The following SCN11A variants were observed in gnomAD, a reference collection of about 807,000 sequenced individuals.
The protein encoded by SCN11A is sodium channel protein type 11 subunit alpha.
SCN11A carries 122 observed loss-of-function variants against 162.2 expected under a neutral mutation model. The observed-to-expected ratio is 0.75, with a 90% confidence interval of 0.65 to 0.87. The LOEUF is 0.87. SCN11A is among the 40% of genes least tolerant of loss of function. The pLI is 0.00. For synonymous variants in SCN11A, 758 were observed against 751.5 expected, an observed-to-expected ratio of 1.01 and a Z score of -0.14; for missense variants, 2,015 against 2,181.6, an observed-to-expected ratio of 0.92 and a Z score of 1.52.
At chr3:39,047,069 CT>C (rs1226458599) in intron 1 of SCN11A, among the ~76,000 whole-genome samples, 65 of 121,566 alleles carry the variant, frequency 5.3e-4, no homozygotes, top group Admixed American at 1.7e-3. Context: ...CCCCCACCCC[CT>C]TTTTTTTTTT....
chr3:38,846,587 T>C lies in SCN11A; in HGVS notation c.*107A>G, dbSNP rs1425188286. 1 of 786,478 alleles carries C rather than the reference T, an allele frequency of 1.3e-6. No homozygotes were observed. The highest frequency in any genetic ancestry group is 2.5e-5 in the East Asian group (1 of 40,662). The allele number at this position is 786,478 out of a possible 1,614,324, so 48.7% of individuals were successfully genotyped here. On this transcript the variant is annotated 3_prime_UTR_variant, in exon 30 of 30. Transcript: ENST00000302328. ...TAGCCAGAAAAGAAAATGGAATGGC[T>C]AATTTGGTGAATCCACTCCCTGTTG...
chr3:39,040,761 A>G (rs1479040974), intron 1 of SCN11A, among the ~76,000 whole-genome samples: 1 of 152,230 alleles, frequency 6.6e-6, no homozygotes, highest in East Asian at 1.9e-4. Context: ...GAGAGCTTCA[A>G]TAACAGACTA....
intron 4 of SCN11A, 78 bp from the exon 5 acceptor site, chr3:38,950,447 G>C: frequency 7.0e-7 from 1 of 1,434,376 alleles, no homozygotes; most frequent in Non-Finnish European, 9.7e-7. Context: ...TAGGATTCCA[G>C]TCTTAAAGGA....
chr3:38,975,135 A>G (rs528567254), intron 2 of SCN11A, among the ~76,000 whole-genome samples: 1 of 152,194 alleles, frequency 6.6e-6, no homozygotes, highest in Non-Finnish European at 1.5e-5. Context: ...AAACTATTTC[A>G]AAAAACGACA....
chr3:38,950,240 T>C lies in SCN11A; in HGVS notation c.123A>G (p.Lys41=), dbSNP rs2066590943. Residue 41 remains lysine, a synonymous_variant, in exon 5 of 30, where the codon AAA becomes AAG. Transcript: ENST00000302328. ...IAIQKEKKKS[K]DQTGEVPQPR... ...GCTGGGGTACTTCTCCTGTCTGGTC[T>C]TTAGACTTCTTTTTCTCCTTTTGGA... is the stretch of plus-strand genomic sequence containing the variant. 1.2e-6 allele frequency: 2 copies of C among 1,614,054 alleles called. No homozygotes were observed. Among genetic ancestry groups the C allele is most frequent in the Non-Finnish European group, 1.7e-6 (2 of 1,180,012 alleles).
At chr3:38,905,457 C>T (rs1339979304) in intron 14 of SCN11A, 136 bp from the exon 15 acceptor site, 4 of 891,914 alleles carry the variant, frequency 4.5e-6, no homozygotes, top group African/African-American at 1.7e-5. Flanking sequence ...CTCGTCTTTA[C>T]AGCATGCCAA....
Position 38,867,329 on chromosome 3 carries a change from G to A in SCN11A, c.3943C>T (p.Gln1315Ter), listed in dbSNP as rs1356435144. The stretch of plus-strand genomic sequence containing the variant: ...ACAACCCAGATACTTATCTTTTTCT[G>A]CTGTTGGTTGAAGTTGTCAATGATA... ...GVIIDNFNQQ[Q>*]KKLGGQDIFM... Residue 1315 changes from glutamine (Q) to a stop codon, truncating the protein, a stop_gained, in exon 27 of 30, where the codon CAG becomes TAG. Transcript: ENST00000302328. LOFTEE classifies it high-confidence loss of function. The A allele has an allele frequency of 6.2e-6, 10 of 1,611,574 alleles. No individual in the cohort carries two copies. The highest frequency in any genetic ancestry group is 8.5e-6 in the Non-Finnish European group (10 of 1,179,202).
chr3:39,051,154 C>G (rs967189098), intron 1 of SCN11A, among the ~76,000 whole-genome samples: 6 of 151,186 alleles, frequency 4.0e-5, no homozygotes, highest in African/African-American at 9.7e-5. Context: ...TTCAGGGGTA[C>G]AAGTGCAGGT....
intron 2 of SCN11A, among the ~76,000 whole-genome samples, chr3:38,987,294 C>CTA (rs1484968587): frequency 8.5e-6 from 1 of 117,280 alleles, no homozygotes; most frequent in Non-Finnish European, 1.6e-5. Context: ...CTCTCTCTCT[C>CTA]TCTCTCTCTC....
Position 38,847,146 on chromosome 3 carries a change from T to G in SCN11A, c.4924A>C (p.Lys1642Gln), listed in dbSNP as rs770862807. ...GCAAAGTCAGAAAGGGCAGAATATT[T>G]GATAAATTGTGTTGCTTCTGGGTCA... Reference protein sequence around the residue: ...KFDPEATQFIKYSALSDFADA... With the variant: ...KFDPEATQFIQYSALSDFADA... Residue 1642 changes from lysine (K) to glutamine (Q), a missense_variant, in exon 30 of 30, where the codon AAA (lysine) becomes CAA (glutamine). Physicochemically the swap from Lys to Gln is moderately conservative, Grantham distance 53 (BLOSUM62 1). Coordinates refer to ENST00000302328, the MANE Select transcript of SCN11A (RefSeq NM_001349253.2). The G allele has an allele frequency of 6.2e-7, 1 of 1,614,198 alleles. No individual in the cohort carries two copies. Among genetic ancestry groups the G allele is most frequent in the Admixed American group, 1.7e-5 (1 of 60,026 alleles).
At chr3:38,874,274 C>A (rs1000211546) in intron 23 of SCN11A, among the ~76,000 whole-genome samples, 1 of 151,990 alleles carries the variant, frequency 6.6e-6, no homozygotes, top group African/African-American at 2.4e-5. Flanking sequence ...TTCCTATATC[C>A]TTCTAAATAT....
At chr3:38,879,234 C>T (rs2065269530) in intron 23 of SCN11A, among the ~76,000 whole-genome samples, 1 of 152,162 alleles carries the variant, frequency 6.6e-6, no homozygotes, top group African/African-American at 2.4e-5. Context: ...GCACCTGCCA[C>T]AGAGTGGCTA....
At chr3:38,915,952 C>T (rs1364214835) in intron 11 of SCN11A, among the ~76,000 whole-genome samples, 2 of 152,128 alleles carry the variant, frequency 1.3e-5, no homozygotes, top group Non-Finnish European at 2.9e-5. Flanking sequence ...CTTTGTAGGT[C>T]TCTAAGAACT....
intron 19 of SCN11A, among the ~76,000 whole-genome samples, chr3:38,893,750 T>A (rs970359638): frequency 1.5e-4 from 23 of 151,830 alleles, no homozygotes; most frequent in Admixed American, 5.2e-4. Context: ...AACACATTTT[T>A]AAATAAGCAG....
chr3:38,900,133 G>T, intron 16 of SCN11A, 60 bp from the exon 17 acceptor site: 2 of 1,348,494 alleles, frequency 1.5e-6, no homozygotes, highest in South Asian at 1.2e-5. Context: ...TTTTAAGAAT[G>T]GCCCAAGGGA....
rs552768969 is a variant in SCN11A at position 38,938,857 on chromosome 3, G to A, written c.488+6554C>T. On this transcript the variant is annotated intron_variant, in intron 7 of 29. Transcript: ENST00000302328. The stretch of plus-strand genomic sequence containing the variant: ...GGGATTACAGGCGGTGAGCCACGGC[G>A]CCCGGCCAAAAATATTATATTTTTA... 1.1e-3 allele frequency among the ~76,000 whole-genome samples: 160 copies of A among 151,586 alleles called. 1 individual carries two copies. Among genetic ancestry groups the A allele is most frequent in the Middle Eastern group, 6.8e-3 (2 of 294 alleles).
chr3:38,912,747 G>A (rs372179996), intron 11 of SCN11A, among the ~76,000 whole-genome samples: 3 of 152,156 alleles, frequency 2.0e-5, no homozygotes, highest in Non-Finnish European at 4.4e-5. Context: ...TCTGTTTCCT[G>A]CTTTAGTTTG....
intron 2 of SCN11A, among the ~76,000 whole-genome samples, chr3:38,995,943 T>A (rs1328228300): frequency 6.6e-6 from 1 of 152,014 alleles, no homozygotes; most frequent in African/African-American, 2.4e-5. Flanking sequence ...GTGAATAAGG[T>A]CATAAGAATG....
chr3:39,014,990 T>A (rs1383559322), intron 2 of SCN11A, among the ~76,000 whole-genome samples: 1 of 152,230 alleles, frequency 6.6e-6, no homozygotes, highest in Non-Finnish European at 1.5e-5. Context: ...TCCATGCTGT[T>A]GAGCTGAGGC....
Sources: gnomAD v4.1 joint callset for allele counts (sites outside exome capture counted in the v4.1 genomes callset) on GRCh38, gnomAD v4.1.1 for gene constraint, MANE v1.5 for transcripts, NCBI Gene and HGNC (gene_info 2026-07-23, HGNC 2026-07-21) for gene names.